MYO18A: variants seen among roughly 807,000 people sequenced by gnomAD.
MYO18A encodes the protein unconventional myosin-XVIIIa.
Under a neutral mutation model 235.8 loss-of-function variants are expected in MYO18A, and 78 were observed. The observed-to-expected ratio is 0.33, with a 90% CI of 0.28 to 0.40. The LOEUF is 0.40. MYO18A is among the 10% of genes least tolerant of loss of function. The pLI is 1.00. For missense variants in MYO18A, 2,215 were observed against 2,699.3 expected (o/e 0.82, Z 3.98); for synonymous variants, 977 against 1,077.8 (o/e 0.91, Z 1.83).
intron 2 of MYO18A, among the ~76,000 whole-genome samples, chr17:29,161,805 G>A (rs1412093111): frequency 6.6e-6 from 1 of 152,126 alleles, no homozygotes; most frequent in Non-Finnish European, 1.5e-5. Flanking sequence ...TTTCCCATCC[G>A]GACTTATGGA....
rs1299739655 is a variant in MYO18A, at chr17:29,158,979, G to T, written c.999+6963C>A. On this transcript the variant is annotated intron_variant, in intron 2 of 41. Coordinates refer to ENST00000527372, the MANE Select transcript of MYO18A (RefSeq NM_078471.4). This position sits in a 1 kb window ranked among gnomAD's most constrained non-coding sequence, Gnocchi z 4.3. ...AAGGGACCATGACAGGAAGAGGCAAGGGCAGGCTACCTTTAAGACCCTGCC... is the reference window on the plus strand; with the variant it reads ...AAGGGACCATGACAGGAAGAGGCAATGGCAGGCTACCTTTAAGACCCTGCC... Among the ~76,000 whole-genome samples, 2 of 152,070 alleles carry T rather than the reference G, an allele frequency of 1.3e-5. No individual in the cohort carries two copies. The highest frequency in any genetic ancestry group is 4.8e-5 in the African/African-American group (2 of 41,402).
chr17:29,079,930 G>A, intron 41 of MYO18A: 1 of 985,916 alleles, frequency 1.0e-6, no homozygotes. Context: ...CTCAGACTCC[G>A]TCTCCGTTCT....
At position 29,118,209 on chromosome 17, in the gene MYO18A, C is replaced by G; in HGVS notation, c.1894-20G>C. On this transcript the variant is annotated intron_variant, in intron 9 of 41. Coordinates refer to ENST00000527372, the MANE Select transcript of MYO18A (RefSeq NM_078471.4). The surrounding 1 kb of genome is among the most constrained non-coding windows in gnomAD (Gnocchi z 4.2). ...CTCAGGCTGTGGAGATAGATGACCT[C>G]AAAGGGCTGTCCCTCCCAGCACACC... 6.3e-7 allele frequency: 1 copy of G among 1,593,584 alleles called. No individual in the cohort carries two copies. The highest frequency in any genetic ancestry group is 8.6e-7 in the Non-Finnish European group (1 of 1,168,770).
chr17:29,109,495 C>G lies in MYO18A; in HGVS notation c.3331+363G>C, dbSNP rs1279654813. On this transcript the variant is annotated intron_variant, in intron 19 of 41. Coordinates refer to ENST00000527372, the MANE Select transcript of MYO18A (RefSeq NM_078471.4). The surrounding 1 kb of genome is among the most constrained non-coding windows in gnomAD (Gnocchi z 4.1). Reference sequence around the variant, plus strand: ...ATTTAGCACCTCATTTCTCACTGGGCAGATGGCTCCGAAAGGGCACTGGGT... The same window carrying G: ...ATTTAGCACCTCATTTCTCACTGGGGAGATGGCTCCGAAAGGGCACTGGGT... 1.3e-5 allele frequency among the ~76,000 whole-genome samples: 2 copies of G among 152,190 alleles called. No homozygotes were observed. Among genetic ancestry groups the G allele is most frequent in the Admixed American group, 6.5e-5 (1 of 15,290 alleles).
intron 28 of MYO18A, among the ~76,000 whole-genome samples, chr17:29,096,170 T>C (rs774628961): frequency 6.6e-6 from 1 of 152,200 alleles, no homozygotes; most frequent in Non-Finnish European, 1.5e-5. Context: ...GCCCTTCCCC[T>C]GCAGAGGAGA....
chr17:29,147,540 C>T (rs775756562), intron 2 of MYO18A, among the ~76,000 whole-genome samples: 16 of 150,796 alleles, frequency 1.1e-4, no homozygotes, highest in Non-Finnish European at 1.3e-4. Context: ...AAACAAAAAC[C>T]AAAAAACATT....
At chr17:29,157,401 G>T (rs1048867660) in intron 2 of MYO18A, among the ~76,000 whole-genome samples, 1 of 152,222 alleles carries the variant, frequency 6.6e-6, no homozygotes, top group African/African-American at 2.4e-5. Context: ...TGACAAGGAG[G>T]TGAAGAGGCT....
At position 29,111,834 on chromosome 17, in the gene MYO18A, C is replaced by T. The variant is rs374607100; in HGVS notation, c.2628G>A (p.Ala876=). Residue 876 remains alanine, a synonymous_variant, in exon 16 of 42, where the codon GCG becomes GCA. Transcript: ENST00000527372. This position sits in a 1 kb window ranked among gnomAD's most constrained non-coding sequence, Gnocchi z 5.1. ...LVRSLARTDE[A]RGLLWLLEEE... is the part of the protein sequence containing the mutation. ...CTTCCAATAGCCAGAGCAGGCCCCT[C>T]GCCTCGTCTGTGCGGGCCAGCGAGC... is the stretch of plus-strand genomic sequence containing the variant. 3.6e-5 allele frequency: 58 copies of T among 1,613,604 alleles called. No individual in the cohort carries two copies. Among genetic ancestry groups the T allele is most frequent in the East Asian group, 4.5e-5 (2 of 44,878 alleles).
intron 10 of MYO18A, 98 bp from the exon 11 acceptor site, chr17:29,116,553 G>T: frequency 2.0e-6 from 3 of 1,479,082 alleles, no homozygotes; most frequent in Non-Finnish European, 2.8e-6. Context: ...ACCGTGGGGC[G>T]GGGGTGTTGT....
chr17:29,159,381 G>A (rs1295821442), intron 2 of MYO18A, among the ~76,000 whole-genome samples: 3 of 152,060 alleles, frequency 2.0e-5, no homozygotes, highest in African/African-American at 7.2e-5. Flanking sequence ...CCTCAAGCCA[G>A]GATTCTCACA....
chr17:29,094,721 G>A lies in MYO18A; in HGVS notation c.4639C>T (p.Leu1547=), dbSNP rs199717385. The A allele has an allele frequency of 1.7e-5, 27 of 1,614,066 alleles. No homozygotes were observed. In the Admixed American group the frequency reaches 3.2e-4, roughly 19 times the overall value. The change falls in exon 30 of 42, where the codon CTG becomes TTG. Residue 1547 remains leucine, a synonymous_variant. Transcript: ENST00000527372. ...TCCTGATCCTTGACTTTGGCCTCCA[G>A]GTCCCGGAGCTGTTTCTTGACCTTG... The part of the protein sequence containing the change: ...LAKVKKQLRD[L]EAKVKDQEEE...
In MYO18A at chr17:29,109,802, G is replaced by A. The variant is rs532272987; in HGVS notation, c.3331+56C>T. The A allele has an allele frequency of 2.6e-5, 40 of 1,532,690 alleles. No individual in the cohort carries two copies. Among genetic ancestry groups the A allele is most frequent in the Middle Eastern group, 2.2e-4 (1 of 4,612 alleles). 94.9% of individuals were successfully genotyped at this position (1,532,690 alleles called of 1,614,324 possible). On this transcript the variant is annotated intron_variant, in intron 19 of 41. Transcript: ENST00000527372. The surrounding 1 kb of genome is among the most constrained non-coding windows in gnomAD (Gnocchi z 4.1). Reference sequence around the variant, plus strand: ...CGGGTCGCAGGTGGGAGGTGGGGCCGGGCAGGGCCAGCTCTGGAAAAGAGA... The same window carrying A: ...CGGGTCGCAGGTGGGAGGTGGGGCCAGGCAGGGCCAGCTCTGGAAAAGAGA...
chr17:29,161,867 C>T (rs1196951910), intron 2 of MYO18A, among the ~76,000 whole-genome samples: 1 of 152,216 alleles, frequency 6.6e-6, no homozygotes, highest in Non-Finnish European at 1.5e-5. Flanking sequence ...CTCAACTTTA[C>T]CAACATCTCC....
rs1400742738 is a variant in MYO18A, at chr17:29,085,613, T to C, written c.5888A>G (p.Lys1963Arg). 6 of 1,614,046 alleles carry C rather than the reference T, an allele frequency of 3.7e-6. No individual in the cohort carries two copies. Among genetic ancestry groups the C allele is most frequent in the East Asian group, 2.2e-5 (1 of 44,882 alleles). ...QDMVTKYQKR[K>R]NKLEGDSDVD... is the part of the protein sequence containing the mutation. ...GCGCTCCAGTCCTCACAGTTTATTC[T>C]TTCTTTTCTGATACTTTGTCACCAT... is the stretch of plus-strand genomic sequence containing the variant. Residue 1963 changes from lysine to arginine, a missense_variant, in exon 40 of 42, where the codon AAG becomes AGG. Physicochemically the swap from Lys to Arg is conservative, Grantham distance 26. Transcript: ENST00000527372.
chr17:29,092,848 T>C lies in MYO18A; in HGVS notation c.5073+7A>G. The stretch of plus-strand genomic sequence containing the variant: ...GCCTGGATCAGCCGTGTGCTCTCTG[T>C]GGATACCTGGTTCTTGAGCTGGGCA... On this transcript the variant is annotated splice_region_variant and intron_variant, in intron 33 of 41. Coordinates refer to ENST00000527372, the MANE Select transcript of MYO18A (RefSeq NM_078471.4). 6.2e-7 allele frequency: 1 copy of C among 1,613,766 alleles called. No individual in the cohort carries two copies. Among genetic ancestry groups the C allele is most frequent in the Admixed American group, 1.7e-5 (1 of 60,018 alleles).
chr17:29,104,748 G>C (rs1014549328), intron 20 of MYO18A, among the ~76,000 whole-genome samples: 1 of 152,118 alleles, frequency 6.6e-6, no homozygotes, highest in African/African-American at 2.4e-5. Context: ...TCAGGGGCAA[G>C]TGGAAAAGAG....
chr17:29,104,366 A>G (rs1021313753), intron 20 of MYO18A, among the ~76,000 whole-genome samples: 2 of 152,212 alleles, frequency 1.3e-5, no homozygotes, highest in Admixed American at 6.5e-5. Context: ...ATACGGGGAT[A>G]GGGTATGTAA....
intron 2 of MYO18A, chr17:29,133,842 T>C (rs1219505974): frequency 2.6e-5 from 33 of 1,289,248 alleles, no homozygotes; most frequent in Admixed American, 9.2e-5. Flanking sequence ...GCCATGGCGC[T>C]GAAGGTAACC....
intron 2 of MYO18A, among the ~76,000 whole-genome samples, chr17:29,138,396 A>AT (rs1315294455): frequency 6.6e-6 from 1 of 152,068 alleles, no homozygotes; most frequent in Admixed American, 6.6e-5. Context: ...GAGGCAGGGC[A>AT]TTCTCCTCTC....
Sources: allele counts gnomAD v4.1 joint callset (sites outside exome capture counted in the v4.1 genomes callset), GRCh38; gene constraint gnomAD v4.1.1; non-coding constraint Gnocchi (gnomAD v3.1); transcripts MANE v1.5; gene names NCBI Gene and HGNC (gene_info 2026-07-23, HGNC 2026-07-21).